Variants in ST8SIA4 observed in about 807,000 individuals in gnomAD.
The protein encoded by ST8SIA4 is ST8 alpha-N-acetyl-neuraminide alpha-2,8-sialyltransferase 4, also known as CMP-N-acetylneuraminate-poly-alpha-2,8-sialyltransferase.
ST8SIA4 carries 15 observed loss-of-function variants against 33.9 expected under a neutral mutation model. That is an observed-to-expected ratio of 0.44 (90% CI 0.30 to 0.68). ST8SIA4 has a LOEUF of 0.68. Ranked by LOEUF, ST8SIA4 falls within the 30% of genes least tolerant of loss-of-function variation. ST8SIA4 has a pLI of 0.10. For synonymous variants in ST8SIA4, 171 were observed against 151.2 expected, an observed-to-expected ratio of 1.13 and a Z score of -0.96; for missense variants, 321 against 428.0, an observed-to-expected ratio of 0.75 and a Z score of 2.21.
At chr5:100,885,587 A>G (rs925528573) in intron 3 of ST8SIA4, 4 of 932,738 alleles carry the variant, frequency 4.3e-6, no homozygotes, top group Non-Finnish European at 5.1e-6. Flanking sequence ...TGTTTCTGTC[A>G]TTTAGCTAAT....
intron 4 of ST8SIA4, among the ~76,000 whole-genome samples, chr5:100,845,672 C>T (rs1279783346): frequency 6.6e-6 from 1 of 151,712 alleles, no homozygotes; most frequent in Non-Finnish European, 1.5e-5. Context: ...CAGTATAGCG[C>T]TTTGTTCTGA....
chr5:100,874,599 GTCTTGCTCTTGT>G (rs756718051), intron 3 of ST8SIA4, among the ~76,000 whole-genome samples: 127 of 151,426 alleles, frequency 8.4e-4, no homozygotes, highest in Non-Finnish European at 6.9e-4. Flanking sequence ...TTGAGACAGG[GTCTTGCTCTTGT>G]TCTTGCTCTT....
At chr5:100,825,733 C>T (rs3776160) in intron 4 of ST8SIA4, among the ~76,000 whole-genome samples, 7 of 152,098 alleles carry the variant, frequency 4.6e-5, no homozygotes, top group East Asian at 1.9e-4. Context: ...AATAGGCTAT[C>T]GATATATAAA....
chr5:100,816,855 G>T (rs1421960827), intron 4 of ST8SIA4, among the ~76,000 whole-genome samples: 6 of 151,946 alleles, frequency 3.9e-5, no homozygotes, highest in Admixed American at 2.6e-4. Flanking sequence ...TCCACTGGAA[G>T]TCTATGTCAA....
At chr5:100,902,596 G>A (rs1361866338) in intron 1 of ST8SIA4, among the ~76,000 whole-genome samples, 1 of 152,246 alleles carries the variant, frequency 6.6e-6, no homozygotes, top group African/African-American at 2.4e-5. Context: ...CTCCTTTGGC[G>A]AGAGAGCACC....
chr5:100,833,713 C>T (rs1388377514), intron 4 of ST8SIA4, among the ~76,000 whole-genome samples: 1 of 152,134 alleles, frequency 6.6e-6, no homozygotes, highest in Admixed American at 6.6e-5. Context: ...TCTGGTTTTA[C>T]ACATGTAATT....
intron 4 of ST8SIA4, among the ~76,000 whole-genome samples, chr5:100,839,094 T>C (rs1270984586): frequency 2.0e-5 from 3 of 151,956 alleles, no homozygotes; most frequent in African/African-American, 4.8e-5. Flanking sequence ...TCCCAAAAAG[T>C]TGGAATTACA....
chr5:100,891,239 T>C (rs1422384831), intron 2 of ST8SIA4, among the ~76,000 whole-genome samples: 1 of 151,884 alleles, frequency 6.6e-6, no homozygotes, highest in Non-Finnish European at 1.5e-5. Flanking sequence ...CTATGATACA[T>C]ATGTTAGGAA....
In ST8SIA4 at chr5:100,901,963, T is replaced by G. The variant is rs928110026; in HGVS notation, c.113+880A>C. 2.0e-5 allele frequency among the ~76,000 whole-genome samples: 3 copies of G among 152,314 alleles called. 1 individual carries two copies. In the South Asian group the frequency reaches 6.2e-4, roughly 32 times the overall value. ...ATCTCTGCTGGTGTGTAGTTTCTGA[T>G]AGAGGACGCCTCCAAACCGGAACAG... On this transcript the variant is annotated intron_variant, in intron 1 of 4. Coordinates refer to ENST00000231461, the MANE Select transcript of ST8SIA4 (RefSeq NM_005668.6).
intron 4 of ST8SIA4, among the ~76,000 whole-genome samples, chr5:100,821,986 G>A (rs1751041297): frequency 6.6e-6 from 1 of 152,176 alleles, no homozygotes; most frequent in Admixed American, 6.5e-5. Flanking sequence ...CTCCATGAAG[G>A]ATAATGTTAA....
At chr5:100,818,024 C>T (rs576325495) in intron 4 of ST8SIA4, among the ~76,000 whole-genome samples, 47 of 152,156 alleles carry the variant, frequency 3.1e-4, no homozygotes, top group African/African-American at 1.0e-3. Flanking sequence ...TAATCCTCAC[C>T]AAAAACCTGT....
chr5:100,843,635 T>C (rs1280914620), intron 4 of ST8SIA4, among the ~76,000 whole-genome samples: 2 of 151,850 alleles, frequency 1.3e-5, no homozygotes, highest in African/African-American at 2.4e-5. Flanking sequence ...ATTTACACAA[T>C]ACAGAGCAAT....
intron 4 of ST8SIA4, among the ~76,000 whole-genome samples, chr5:100,834,827 C>T (rs1274395376): frequency 5.9e-5 from 9 of 152,072 alleles, no homozygotes; most frequent in Admixed American, 5.9e-4. Flanking sequence ...AGCTTGCTGA[C>T]GCCTCCCCAG....
intron 3 of ST8SIA4, 175 bp downstream of exon 3, chr5:100,886,168 A>G: frequency 1.4e-6 from 2 of 1,398,682 alleles, no homozygotes; most frequent in Non-Finnish European, 1.9e-6. Context: ...CTACGCAATA[A>G]TTATAATATT....
chr5:100,846,743 A>C (rs1001614174), intron 4 of ST8SIA4, among the ~76,000 whole-genome samples: 2 of 152,204 alleles, frequency 1.3e-5, no homozygotes, highest in East Asian at 3.9e-4. Context: ...CTTCCAAAGA[A>C]ATTCTAGATA....
intron 2 of ST8SIA4, among the ~76,000 whole-genome samples, chr5:100,886,909 A>C (rs1752550251): frequency 6.6e-6 from 1 of 152,142 alleles, no homozygotes; most frequent in Admixed American, 6.5e-5. Flanking sequence ...AAATTGGTTT[A>C]TTAAGTAAAA....
chr5:100,840,009 TA>T (rs1280295522), intron 4 of ST8SIA4, among the ~76,000 whole-genome samples: 1 of 151,406 alleles, frequency 6.6e-6, no homozygotes, highest in Non-Finnish European at 1.5e-5. Flanking sequence ...TATATTTAAA[TA>T]AAAATATATA....
chr5:100,877,292 T>G (rs1234299210), intron 3 of ST8SIA4, among the ~76,000 whole-genome samples: 1 of 152,202 alleles, frequency 6.6e-6, no homozygotes, highest in Non-Finnish European at 1.5e-5. Flanking sequence ...AATTTTGTAA[T>G]AATTTTAACC....
chr5:100,849,525 T>C (rs141447572), intron 4 of ST8SIA4: 240 of 904,012 alleles, frequency 2.7e-4, no homozygotes, highest in Non-Finnish European at 2.8e-4. Flanking sequence ...CTCACGCCTG[T>C]AATCCCCGCA....
Sources: allele counts gnomAD v4.1 joint callset (sites outside exome capture counted in the v4.1 genomes callset), GRCh38; gene constraint gnomAD v4.1.1; transcripts MANE v1.5; gene names NCBI Gene and HGNC (gene_info 2026-07-23, HGNC 2026-07-21).